The following UTRN variants were observed in gnomAD, a reference collection of about 807,000 sequenced individuals.
UTRN encodes utrophin.
Under a neutral mutation model 463.9 loss-of-function variants are expected in UTRN, and 283 were observed. The observed-to-expected ratio is 0.61, with a 90% CI of 0.55 to 0.67. The LOEUF is 0.67. Ranked by LOEUF, UTRN falls within the 30% of genes least tolerant of loss-of-function variation. The pLI is 0.00. For synonymous variants in UTRN, 1,442 were observed against 1,431.5 expected (o/e 1.01, Z -0.17); for missense variants, 3,922 against 4,084.3 (o/e 0.96, Z 1.08).
At chr6:144,506,169 G>A (rs574529705) in intron 34 of UTRN, among the ~76,000 whole-genome samples, 2 of 151,622 alleles carry the variant, frequency 1.3e-5, no homozygotes, top group African/African-American at 2.4e-5. Context: ...CACAAGAGAT[G>A]GGTCCCCTGA....
intron 2 of UTRN, among the ~76,000 whole-genome samples, chr6:144,297,600 G>A (rs965988372): frequency 6.6e-6 from 1 of 152,178 alleles, no homozygotes; most frequent in African/African-American, 2.4e-5. Flanking sequence ...TGGAATACCT[G>A]TGCTTTGAAG....
At chr6:144,643,146 A>G (rs948955052) in intron 51 of UTRN, among the ~76,000 whole-genome samples, 2 of 152,176 alleles carry the variant, frequency 1.3e-5, no homozygotes, top group African/African-American at 4.8e-5. Context: ...GTTCAAGGCT[A>G]AACTTAAAGG....
At chr6:144,751,388 T>C (rs1489134076) in intron 55 of UTRN, among the ~76,000 whole-genome samples, 1 of 152,236 alleles carries the variant, frequency 6.6e-6, no homozygotes, top group African/African-American at 2.4e-5. Flanking sequence ...TAATAAACAA[T>C]GACTTTTTGG....
At chr6:144,569,780 A>T (rs753856201) in intron 50 of UTRN, among the ~76,000 whole-genome samples, 2 of 152,190 alleles carry the variant, frequency 1.3e-5, no homozygotes, top group Non-Finnish European at 2.9e-5. Context: ...GGTGAGCCCC[A>T]TTTCATCCCA....
In UTRN at chr6:144,851,926, C is replaced by T. The variant is rs1367966463; in HGVS notation, c.*929C>T. On this transcript the variant is annotated 3_prime_UTR_variant, in exon 75 of 75. Transcript: ENST00000367545. The stretch of plus-strand genomic sequence containing the variant: ...ATTTAGTACAACCTTTCCTAGTTCC[C>T]ATGTCTTGATTTTCATCATTACATG... The T allele has an allele frequency of 6.6e-6, 1 of 152,136 alleles. No homozygotes were observed. The highest frequency in any genetic ancestry group is 1.5e-5 in the Non-Finnish European group (1 of 68,004). The allele number at this position is 152,136 out of a possible 1,614,324, so 9.4% of individuals were successfully genotyped here.
chr6:144,463,142 G>C (rs1373177594), intron 23 of UTRN, among the ~76,000 whole-genome samples: 6 of 152,214 alleles, frequency 3.9e-5, no homozygotes, highest in Non-Finnish European at 8.8e-5. Flanking sequence ...TTCAGGCATG[G>C]AGGGCCTGTG....
chr6:144,521,240 C>G (rs561481234), intron 39 of UTRN, among the ~76,000 whole-genome samples: 122 of 152,158 alleles, frequency 8.0e-4, no homozygotes, highest in African/African-American at 2.9e-3. Context: ...GAGCCGAGAT[C>G]ACAGCACTGC....
At chr6:144,493,182 T>G (rs1458100618) in intron 32 of UTRN, 119 bp from the exon 33 acceptor site, 23 of 896,226 alleles carry the variant, frequency 2.6e-5, no homozygotes, top group Non-Finnish European at 3.8e-5. Flanking sequence ...GATGATGGCC[T>G]TTGATCACCA....
intron 1 of UTRN, among the ~76,000 whole-genome samples, chr6:144,288,756 C>CTTT (rs1197688763): frequency 2.5e-4 from 33 of 132,240 alleles, no homozygotes; most frequent in Non-Finnish European, 3.8e-4. Flanking sequence ...CTCTCTCTCT[C>CTTT]TTTTTTTTTT....
In UTRN at chr6:144,320,095, G is replaced by A. The variant is rs924283418; in HGVS notation, c.79+28188G>A. 1.3e-3 allele frequency among the ~76,000 whole-genome samples: 199 copies of A among 150,492 alleles called. 1 individual carries two copies. Among genetic ancestry groups the A allele is most frequent in the Non-Finnish European group, 2.2e-3 (152 of 67,576 alleles). ...CCTTGAACTCCTGACCTCGTGATCC[G>A]CCCGCCTCCGCCTCCCAAAGTGCTG... On this transcript the variant is annotated intron_variant, in intron 2 of 74. Coordinates refer to ENST00000367545, the MANE Select transcript of UTRN (RefSeq NM_007124.3).
intron 12 of UTRN, among the ~76,000 whole-genome samples, chr6:144,439,196 G>A (rs1266727461): frequency 5.9e-5 from 9 of 152,172 alleles, no homozygotes; most frequent in African/African-American, 1.7e-4. Flanking sequence ...GCATGTTGGC[G>A]TTCACATGGT....
intron 46 of UTRN, among the ~76,000 whole-genome samples, chr6:144,545,565 C>G (rs1411316222): frequency 6.6e-6 from 1 of 152,194 alleles, no homozygotes; most frequent in Non-Finnish European, 1.5e-5. Context: ...AAATGTTCTT[C>G]TCTTAGATAT....
intron 2 of UTRN, among the ~76,000 whole-genome samples, chr6:144,312,500 T>G (rs1775005861): frequency 6.6e-6 from 1 of 152,134 alleles, no homozygotes; most frequent in Non-Finnish European, 1.5e-5. Flanking sequence ...AAATAATTAT[T>G]ATAATGTGGG....
At chr6:144,676,318 A>G (rs887566152) in intron 51 of UTRN, among the ~76,000 whole-genome samples, 2 of 152,168 alleles carry the variant, frequency 1.3e-5, no homozygotes, top group African/African-American at 4.8e-5. Flanking sequence ...ATTCCCAAGA[A>G]TGATCTTTCA....
chr6:144,434,008 T>G (rs1485510919), intron 9 of UTRN, among the ~76,000 whole-genome samples: 1 of 151,426 alleles, frequency 6.6e-6, no homozygotes. Flanking sequence ...GATGTGGAGG[T>G]TGTAGCGAGC....
intron 2 of UTRN, among the ~76,000 whole-genome samples, chr6:144,353,997 A>G (rs950692301): frequency 6.6e-6 from 1 of 152,186 alleles, no homozygotes; most frequent in African/African-American, 2.4e-5. Flanking sequence ...TTGGTTTTAA[A>G]CTTAAGGATT....
At chr6:144,847,020 C>A (rs1782080540) in intron 74 of UTRN, among the ~76,000 whole-genome samples, 193 bp downstream of exon 74, 1 of 152,164 alleles carries the variant, frequency 6.6e-6, no homozygotes, top group Non-Finnish European at 1.5e-5. Flanking sequence ...GCCACAGATA[C>A]CAAAAATACC....
intron 51 of UTRN, among the ~76,000 whole-genome samples, chr6:144,603,124 A>C (rs1171286871): frequency 6.6e-6 from 1 of 152,170 alleles, no homozygotes; most frequent in Non-Finnish European, 1.5e-5. Context: ...GTACTTTATA[A>C]GCATATTTGT....
intron 45 of UTRN, among the ~76,000 whole-genome samples, chr6:144,541,970 T>C (rs1272661548): frequency 6.6e-6 from 1 of 152,098 alleles, no homozygotes; most frequent in African/African-American, 2.4e-5. Flanking sequence ...TAGCCCACTG[T>C]AGAATGGAAG....
Sources: allele counts gnomAD v4.1 joint callset (sites outside exome capture counted in the v4.1 genomes callset), GRCh38; gene constraint gnomAD v4.1.1; transcripts MANE v1.5; gene names NCBI Gene and HGNC (gene_info 2026-07-23, HGNC 2026-07-21).